Variants in CSMD1 observed in about 807,000 individuals in gnomAD.
The protein encoded by CSMD1 is CUB and sushi domain-containing protein 1.
A neutral mutation model predicts 417.5 loss-of-function variants in CSMD1; 213 were observed. The observed-to-expected ratio is 0.51, with a 90% confidence interval of 0.46 to 0.57. CSMD1 has a LOEUF of 0.57. Among genes scored for constraint, CSMD1 ranks in the 20% least tolerant of loss-of-function variants. The pLI is 0.00. For missense variants in CSMD1, 6,923 were observed against 4,529.7 expected, an observed-to-expected ratio of 1.53 and a Z score of -15.17; for synonymous variants, 2,862 against 1,736.8, an observed-to-expected ratio of 1.65 and a Z score of -16.11.
intron 5 of CSMD1, among the ~76,000 whole-genome samples, chr8:3,854,942 T>A (rs1804190307): frequency 6.6e-6 from 1 of 152,166 alleles, no homozygotes; most frequent in Non-Finnish European, 1.5e-5. Context: ...GAGAACGTGA[T>A]GCTCAATGGA....
At chr8:4,342,660 C>T (rs1309659405) in intron 3 of CSMD1, among the ~76,000 whole-genome samples, 1 of 152,012 alleles carries the variant, frequency 6.6e-6, no homozygotes, top group Admixed American at 6.6e-5. Context: ...ACATGTGATG[C>T]TAAACATGAA....
chr8:3,097,398 T>C (rs1168766407), intron 46 of CSMD1, among the ~76,000 whole-genome samples: 1 of 152,036 alleles, frequency 6.6e-6, no homozygotes, highest in Non-Finnish European at 1.5e-5. Context: ...AGAAATACAG[T>C]GAAATGTTAT....
chr8:4,093,578 G>C (rs1182637382), intron 3 of CSMD1, among the ~76,000 whole-genome samples: 1 of 152,154 alleles, frequency 6.6e-6, no homozygotes, highest in African/African-American at 2.4e-5. Flanking sequence ...TTGAAAAAAA[G>C]TGGCAGAATA....
At chr8:3,831,753 G>A (rs143967216) in intron 5 of CSMD1, among the ~76,000 whole-genome samples, 25 of 152,210 alleles carry the variant, frequency 1.6e-4, no homozygotes, top group African/African-American at 5.8e-4. Context: ...TCTCGGATGG[G>A]TAGCACAACA....
chr8:4,549,712 A>C (rs1321661621), intron 2 of CSMD1, among the ~76,000 whole-genome samples: 2 of 151,754 alleles, frequency 1.3e-5, no homozygotes, highest in Non-Finnish European at 2.9e-5. Flanking sequence ...AACATGGCAA[A>C]ACCCCGTCTC....
chr8:4,073,514 C>G (rs1436328872), intron 3 of CSMD1, among the ~76,000 whole-genome samples: 3 of 152,090 alleles, frequency 2.0e-5, no homozygotes, highest in African/African-American at 4.8e-5. Context: ...TTCAGAGGAC[C>G]TGGGATGTGT....
intron 3 of CSMD1, among the ~76,000 whole-genome samples, chr8:4,154,506 A>G (rs940550275): frequency 6.6e-6 from 1 of 152,224 alleles, no homozygotes; most frequent in Non-Finnish European, 1.5e-5. Flanking sequence ...AACTGTGTGC[A>G]GACAAGAGCC....
intron 2 of CSMD1, among the ~76,000 whole-genome samples, chr8:4,470,950 A>G (rs1329551892): frequency 6.6e-6 from 1 of 152,210 alleles, no homozygotes; most frequent in Admixed American, 6.5e-5. Context: ...ATTTCCCTCA[A>G]GTGACATGTC....
At chr8:4,503,654 T>C (rs1383442377) in intron 2 of CSMD1, among the ~76,000 whole-genome samples, 1 of 152,050 alleles carries the variant, frequency 6.6e-6, no homozygotes, top group Non-Finnish European at 1.5e-5. Flanking sequence ...CAACACATGA[T>C]TTTTTGCTAA....
At chr8:3,998,639 A>G (rs1392808911) in intron 4 of CSMD1, among the ~76,000 whole-genome samples, 3 of 152,170 alleles carry the variant, frequency 2.0e-5, no homozygotes, top group Non-Finnish European at 2.9e-5. Context: ...CCTCATAAAA[A>G]GGTTCTGAGT....
chr8:4,680,264 T>C lies in CSMD1; in HGVS notation c.86-42706A>G, dbSNP rs565317656. Reference sequence around the variant, plus strand: ...CGCTGATTTTCAAAAATACATGTTATGTTATCACTAATATTTTACAAGGAA... The same window carrying C: ...CGCTGATTTTCAAAAATACATGTTACGTTATCACTAATATTTTACAAGGAA... On this transcript the variant is annotated intron_variant, in intron 1 of 69. Coordinates refer to ENST00000635120, the MANE Select transcript of CSMD1 (RefSeq NM_033225.6). Among the ~76,000 whole-genome samples, 3 of 152,324 alleles carry C rather than the reference T, an allele frequency of 2.0e-5. No individual in the cohort carries two copies. The South Asian group carries it at 6.2e-4, about 32-fold the overall frequency.
intron 1 of CSMD1, among the ~76,000 whole-genome samples, chr8:4,844,892 G>C (rs1801044015): frequency 6.6e-6 from 1 of 152,038 alleles, no homozygotes; most frequent in African/African-American, 2.4e-5. Context: ...TACCCCCACA[G>C]TATACAAGAG....
chr8:4,863,997 G>A (rs11779850), intron 1 of CSMD1, among the ~76,000 whole-genome samples: 44,016 of 151,710 alleles, frequency 0.29, 8,535 homozygotes, highest in African/African-American at 0.55. Context: ...TTCAGTACAT[G>A]TCTATATATG....
At chr8:4,070,347 A>C (rs1368719298) in intron 3 of CSMD1, among the ~76,000 whole-genome samples, 1 of 152,040 alleles carries the variant, frequency 6.6e-6, no homozygotes, top group Non-Finnish European at 1.5e-5. Context: ...TCTTATATTA[A>C]CCAAAATATT....
chr8:4,205,232 C>G (rs574496981), intron 3 of CSMD1, among the ~76,000 whole-genome samples: 1 of 152,284 alleles, frequency 6.6e-6, no homozygotes, highest in African/African-American at 2.4e-5. Context: ...AACTCTATTT[C>G]AAATATCACC....
At chr8:4,152,904 A>G (rs997915395) in intron 3 of CSMD1, among the ~76,000 whole-genome samples, 5 of 152,184 alleles carry the variant, frequency 3.3e-5, no homozygotes, top group African/African-American at 1.2e-4. Context: ...ATTTTTCTCA[A>G]AAACTTTATG....
intron 1 of CSMD1, among the ~76,000 whole-genome samples, chr8:4,694,733 A>G (rs1226972584): frequency 6.6e-6 from 1 of 152,120 alleles, no homozygotes; most frequent in African/African-American, 2.4e-5. Flanking sequence ...AGCTGTGCCC[A>G]ACCACCTTGG....
chr8:3,409,487 C>T lies in CSMD1; in HGVS notation c.1680G>A (p.Val560=), dbSNP rs371400420. The change falls in exon 13 of 70, where the codon GTG becomes GTA. Residue 560 remains valine (V), a synonymous_variant. Coordinates refer to ENST00000635120, the MANE Select transcript of CSMD1 (RefSeq NM_033225.6). ...GCTGACAGGTGATAACTCTCTCCCC[C>T]ACCAGCTCAAAGGCCGCCGGGCATT... is the stretch of plus-strand genomic sequence containing the variant. The part of the protein sequence containing the change: ...TFECPAAFEL[V]GERVITCQQN... The T allele has an allele frequency of 6.8e-6, 11 of 1,611,666 alleles. No homozygotes were observed. The Admixed American group carries it at 1.0e-4, about 15-fold the overall frequency.
At chr8:3,546,562 T>C (rs1010300558) in intron 10 of CSMD1, among the ~76,000 whole-genome samples, 1 of 151,850 alleles carries the variant, frequency 6.6e-6, no homozygotes, top group African/African-American at 2.4e-5. Context: ...CCTGATACTG[T>C]CACCATACAT....
Sources: gnomAD v4.1 joint callset for allele counts (sites outside exome capture counted in the v4.1 genomes callset) on GRCh38, gnomAD v4.1.1 for gene constraint, MANE v1.5 for transcripts, NCBI Gene and HGNC (gene_info 2026-07-23, HGNC 2026-07-21) for gene names.